The following DLGAP2 variants were observed in gnomAD, a reference collection of about 807,000 sequenced individuals.
DLGAP2 encodes disks large-associated protein 2.
A neutral mutation model predicts 100.3 loss-of-function variants in DLGAP2; 26 were observed. The observed-to-expected ratio is 0.26, with a 90% CI of 0.19 to 0.36. The LOEUF (loss-of-function observed/expected upper bound fraction) is 0.36. Ranked by LOEUF, DLGAP2 falls within the 10% of genes least tolerant of loss-of-function variation. The pLI, the probability that DLGAP2 is intolerant of heterozygous loss-of-function variation, is 1.00. For synonymous variants in DLGAP2, 886 were observed against 630.1 expected (o/e 1.41, Z -6.08); for missense variants, 1,858 against 1,453.2 (o/e 1.28, Z -4.53).
In DLGAP2 at chr8:1,549,337, G is replaced by C; in HGVS notation, c.884G>C (p.Ser295Thr). 1 of 1,613,324 alleles carries C rather than the reference G, an allele frequency of 6.2e-7. No homozygotes were observed. ...PEGKPRPGMS[S>T]WWSSDDNLDS... Reference sequence around the variant, plus strand: ...GGCAAGCCCCGGCCCGGCATGAGCAGCTGGTGGAGCTCGGACGACAACCTG... The same window carrying C: ...GGCAAGCCCCGGCCCGGCATGAGCACCTGGTGGAGCTCGGACGACAACCTG... Residue 295 changes from serine to threonine, a missense_variant, in exon 5 of 15, where the codon AGC (serine) becomes ACC (threonine). Ser to Thr is a moderately conservative substitution (Grantham distance 58). Transcript: ENST00000637795.
At chr8:1,660,249 A>C (rs1347007705) in intron 8 of DLGAP2, among the ~76,000 whole-genome samples, 1 of 152,186 alleles carries the variant, frequency 6.6e-6, no homozygotes, top group Non-Finnish European at 1.5e-5. Flanking sequence ...GTGTAACCTG[A>C]CCTTTCTCTC....
intron 3 of DLGAP2, among the ~76,000 whole-genome samples, chr8:1,333,474 T>C (rs2117064126): frequency 6.6e-6 from 1 of 152,264 alleles, no homozygotes; most frequent in East Asian, 1.9e-4. Flanking sequence ...ATTGTCTAAA[T>C]AGCGATGTTT....
intron 2 of DLGAP2, among the ~76,000 whole-genome samples, chr8:1,131,005 C>A (rs779495223): frequency 6.6e-6 from 1 of 152,238 alleles, no homozygotes; most frequent in African/African-American, 2.4e-5. Flanking sequence ...ACTCCGTACA[C>A]ATTTCCTCAT....
intron 3 of DLGAP2, among the ~76,000 whole-genome samples, chr8:1,367,677 C>T (rs906986073): frequency 6.6e-6 from 1 of 152,192 alleles, no homozygotes; most frequent in South Asian, 2.1e-4. Flanking sequence ...AACTATGCTA[C>T]GTCTTAGTTT....
intron 2 of DLGAP2, among the ~76,000 whole-genome samples, chr8:1,258,519 T>G (rs55653235): frequency 0.37 from 55,460 of 151,900 alleles, 10,193 homozygotes; most frequent in Admixed American, 0.44. Flanking sequence ...GGATTGATGG[T>G]TGCAGCAAAC....
At chr8:822,307 G>A (rs1270239998) in intron 1 of DLGAP2, 1 of 398,792 alleles carries the variant, frequency 2.5e-6, no homozygotes, top group East Asian at 3.6e-5. Flanking sequence ...GCACAGGGGT[G>A]ACGGGGGCCT....
intron 3 of DLGAP2, among the ~76,000 whole-genome samples, chr8:1,477,047 G>C (rs1798953826): frequency 7.0e-6 from 1 of 143,162 alleles, no homozygotes; most frequent in Admixed American, 8.2e-5. Flanking sequence ...CATTCCTTCA[G>C]AGCAAAGCCT....
At chr8:1,688,012 C>T (rs1253212196) in intron 12 of DLGAP2, among the ~76,000 whole-genome samples, 6 of 152,154 alleles carry the variant, frequency 3.9e-5, no homozygotes, top group African/African-American at 7.2e-5. Context: ...CTGCAGAACA[C>T]GTTCATTTTG....
At chr8:874,432 A>C (rs1797653070) in intron 1 of DLGAP2, among the ~76,000 whole-genome samples, 5 of 152,068 alleles carry the variant, frequency 3.3e-5, no homozygotes, top group Admixed American at 2.6e-4. Flanking sequence ...AGTATTTTCT[A>C]ATTTCCTTTG....
chr8:781,466 C>G (rs1821685088), intron 1 of DLGAP2, among the ~76,000 whole-genome samples: 1 of 151,870 alleles, frequency 6.6e-6, no homozygotes, highest in Non-Finnish European at 1.5e-5. Flanking sequence ...AACCTGAATG[C>G]AAATATGAAA....
chr8:1,267,248 TA>T (rs112935591), intron 3 of DLGAP2, among the ~76,000 whole-genome samples: 1,602 of 114,750 alleles, frequency 0.014, 38 homozygotes, highest in African/African-American at 0.052. Flanking sequence ...AATAAATAAA[TA>T]AAATAAAATA....
chr8:1,109,086 G>A (rs1325286928), intron 2 of DLGAP2, among the ~76,000 whole-genome samples: 4 of 140,606 alleles, frequency 2.8e-5, no homozygotes, highest in African/African-American at 1.0e-4. Context: ...GGTGTGCACG[G>A]GTCTGTGAGG....
At chr8:1,235,006 A>ACATGGCATCGTGTCTAGTTCCCTCT (rs1798613608) in intron 2 of DLGAP2, among the ~76,000 whole-genome samples, 5 of 9,318 alleles carry the variant, frequency 5.4e-4, no homozygotes, top group Non-Finnish European at 1.5e-3. Flanking sequence ...TAGTTCTCTC[A>ACATGGCATCGTGTCTAGTTCCCTCT]CACATAGCGT....
chr8:1,172,900 C>G (rs1238969815), intron 2 of DLGAP2, among the ~76,000 whole-genome samples: 1 of 152,212 alleles, frequency 6.6e-6, no homozygotes, highest in Non-Finnish European at 1.5e-5. Context: ...CATTCTCCGT[C>G]CAGCTTTGTT....
At chr8:1,684,067 T>A (rs182438850) in intron 12 of DLGAP2, among the ~76,000 whole-genome samples, 1 of 141,856 alleles carries the variant, frequency 7.0e-6, no homozygotes, top group Admixed American at 6.9e-5. Context: ...CTGCAACCTC[T>A]GCCTCCCAAG....
chr8:1,341,631 T>A (rs908503174), intron 3 of DLGAP2, among the ~76,000 whole-genome samples: 1 of 152,130 alleles, frequency 6.6e-6, no homozygotes, highest in Non-Finnish European at 1.5e-5. Context: ...TCTTTGCAGG[T>A]AAATATGAAC....
intron 2 of DLGAP2, among the ~76,000 whole-genome samples, chr8:1,151,116 G>A (rs566633859): frequency 6.6e-6 from 1 of 152,170 alleles, no homozygotes; most frequent in Non-Finnish European, 1.5e-5. Flanking sequence ...ATGATCATCG[G>A]TAGTGACTGG....
At chr8:1,334,148 CAG>C (rs1375506223) in intron 3 of DLGAP2, among the ~76,000 whole-genome samples, 1 of 152,268 alleles carries the variant, frequency 6.6e-6, no homozygotes, top group Non-Finnish European at 1.5e-5. Flanking sequence ...GAGAGCTCCT[CAG>C]TGAGGTTCTG....
Position 949,172 on chromosome 8 carries a change from G to A in DLGAP2, c.73+41206G>A, listed in dbSNP as rs373804018. Reference sequence around the variant, plus strand: ...GAAGGGATTTGTGGGTGGAAAGGACGTGTGGTTCCTGGAGTAGATGGGATC... The same window carrying A: ...GAAGGGATTTGTGGGTGGAAAGGACATGTGGTTCCTGGAGTAGATGGGATC... On this transcript the variant is annotated intron_variant, in intron 2 of 14. Transcript: ENST00000637795. 3.9e-5 allele frequency among the ~76,000 whole-genome samples: 6 copies of A among 152,360 alleles called. No individual in the cohort carries two copies. In the South Asian group the frequency reaches 6.2e-4, roughly 16 times the overall value.
Sources: allele counts gnomAD v4.1 joint callset (sites outside exome capture counted in the v4.1 genomes callset), GRCh38; gene constraint gnomAD v4.1.1; transcripts MANE v1.5; gene names NCBI Gene and HGNC (gene_info 2026-07-23, HGNC 2026-07-21).